Variants in COL14A1 observed in about 807,000 individuals in gnomAD.
The protein encoded by COL14A1 is collagen type XIV alpha 1 chain.
In COL14A1, 136 loss-of-function variants were observed where a neutral mutation model predicts 230.3. That is an observed-to-expected ratio of 0.59 (90% CI 0.51 to 0.68). COL14A1 has a LOEUF of 0.68. Ranked by LOEUF, COL14A1 falls within the 30% of genes least tolerant of loss-of-function variation. The pLI, the probability that COL14A1 is intolerant of heterozygous loss-of-function variation, is 0.00. For missense variants in COL14A1, 1,976 were observed against 2,215.8 expected (o/e 0.89, Z 2.17); for synonymous variants, 792 against 784.1 (o/e 1.01, Z -0.17).
intron 10 of COL14A1, among the ~76,000 whole-genome samples, chr8:120,208,025 A>G (rs1274380814): frequency 6.6e-6 from 1 of 152,226 alleles, no homozygotes; most frequent in Non-Finnish European, 1.5e-5. Flanking sequence ...ATGAATTAAT[A>G]AGGGACTTCT....
intron 9 of COL14A1, among the ~76,000 whole-genome samples, chr8:120,206,722 C>T (rs927356692): frequency 6.6e-6 from 1 of 152,162 alleles, no homozygotes; most frequent in African/African-American, 2.4e-5. Context: ...AGAACTATGT[C>T]TTATTTAAGT....
intron 19 of COL14A1, among the ~76,000 whole-genome samples, chr8:120,232,499 T>C (rs1454271546): frequency 1.3e-5 from 2 of 152,220 alleles, no homozygotes; most frequent in Admixed American, 6.5e-5. Context: ...CTCCCACTTA[T>C]GAGTGAGAAC....
intron 4 of COL14A1, among the ~76,000 whole-genome samples, chr8:120,163,711 C>T (rs140010778): frequency 0.021 from 3,241 of 152,092 alleles, 113 homozygotes; most frequent in African/African-American, 0.072. Flanking sequence ...TGCAGTGAGC[C>T]GAGATTGCGC....
chr8:120,247,850 A>T, intron 21 of COL14A1, 115 bp downstream of exon 21: 1 of 1,258,062 alleles, frequency 7.9e-7, no homozygotes, highest in Non-Finnish European at 1.1e-6. Flanking sequence ...TTAAAGAAGT[A>T]GGGAGAACCT....
rs1256084846 is a variant in COL14A1, at chr8:120,228,752, C to G, written c.2180C>G (p.Thr727Ser). 1 of 1,613,842 alleles carries G rather than the reference C, an allele frequency of 6.2e-7. No homozygotes were observed. Among genetic ancestry groups the G allele is most frequent in the Non-Finnish European group, 8.5e-7 (1 of 1,179,804 alleles). Residue 727 changes from threonine (T) to serine (S), a missense_variant, in exon 18 of 48, where the codon ACC becomes AGC. Physicochemically the swap from Thr to Ser is moderately conservative, Grantham distance 58. This residue lies in a region of COL14A1 where 1,791 missense variants were observed against 2,019.5 expected (regional missense o/e 0.89). Coordinates refer to ENST00000297848, the MANE Select transcript of COL14A1 (RefSeq NM_021110.4). The stretch of plus-strand genomic sequence containing the variant: ...GAACCAGCTACAACCATAGTGCCTA[C>G]CACATCTGTGACTTCAGGTAAGGTC... ...WTEPATTIVP[T>S]TSVTSVFQTG...
intron 5 of COL14A1, among the ~76,000 whole-genome samples, chr8:120,177,944 G>A (rs1170486200): frequency 2.0e-5 from 3 of 151,694 alleles, no homozygotes; most frequent in Admixed American, 2.0e-4. Flanking sequence ...AGATAAATGG[G>A]GAACACATAG....
chr8:120,136,880 G>A (rs1445172454), intron 1 of COL14A1, among the ~76,000 whole-genome samples: 1 of 132,730 alleles, frequency 7.5e-6, no homozygotes, highest in Non-Finnish European at 1.5e-5. Context: ...CAGGAGAATT[G>A]CTTGAACCCG....
intron 15 of COL14A1, 123 bp from the exon 16 acceptor site, chr8:120,226,503 CT>C (rs1192993887): frequency 5.3e-6 from 5 of 951,244 alleles, no homozygotes; most frequent in Non-Finnish European, 7.5e-6. Context: ...AGTTTTCCTT[CT>C]TTCCTGTGCT....
intron 22 of COL14A1, among the ~76,000 whole-genome samples, chr8:120,251,537 G>T (rs184127065): frequency 6.6e-6 from 1 of 152,130 alleles, no homozygotes. Context: ...CTCCTTAGTG[G>T]CATACACCAC....
At chr8:120,192,103 T>G (rs911498987) in intron 5 of COL14A1, among the ~76,000 whole-genome samples, 5 of 152,274 alleles carry the variant, frequency 3.3e-5, no homozygotes, top group South Asian at 2.1e-4. Flanking sequence ...GTTAGCTGGT[T>G]ATTTTGCTCA....
Position 120,300,770 on chromosome 8 carries a change from C to T in COL14A1, c.4353C>T (p.Cys1451=), listed in dbSNP as rs1820686951. ...DESCPDLPHS[C]SCSETNEVAL... ...CTTGCCCAGACCTTCCCCATTCCTG[C>T]TCCTGTTCTGAAACCAATGAAGTGG... The change falls in exon 36 of 48, where the codon TGC becomes TGT. Residue 1451 remains cysteine (C), a synonymous_variant. Transcript: ENST00000297848. The T allele has an allele frequency of 1.2e-6, 2 of 1,613,660 alleles. No individual in the cohort carries two copies. Among genetic ancestry groups the T allele is most frequent in the Non-Finnish European group, 1.7e-6 (2 of 1,179,674 alleles).
chr8:120,242,741 A>G (rs1818643503), intron 19 of COL14A1, among the ~76,000 whole-genome samples: 1 of 152,340 alleles, frequency 6.6e-6, no homozygotes, highest in Admixed American at 6.5e-5. Flanking sequence ...GCAAAATCAT[A>G]TTAATCTCAT....
chr8:120,304,201 G>T (rs1173798483), intron 36 of COL14A1, among the ~76,000 whole-genome samples: 2 of 151,960 alleles, frequency 1.3e-5, no homozygotes, highest in African/African-American at 2.4e-5. Flanking sequence ...CTAACTACTG[G>T]ATTCGTTGTC....
chr8:120,126,961 T>A (rs1490703429), intron 1 of COL14A1, among the ~76,000 whole-genome samples: 1 of 152,232 alleles, frequency 6.6e-6, no homozygotes, highest in Non-Finnish European at 1.5e-5. Context: ...CATATACCTC[T>A]CAATTAACCA....
chr8:120,286,691 A>G (rs1462719054), intron 33 of COL14A1, among the ~76,000 whole-genome samples: 1 of 151,980 alleles, frequency 6.6e-6, no homozygotes, highest in Non-Finnish European at 1.5e-5. Context: ...TTGTATTTTT[A>G]GTGGAGCCAG....
intron 2 of COL14A1, among the ~76,000 whole-genome samples, chr8:120,148,522 T>G (rs1815172414): frequency 6.6e-6 from 1 of 152,218 alleles, no homozygotes; most frequent in African/African-American, 2.4e-5. Context: ...AATAATGCTC[T>G]AATAATTAAA....
chr8:120,178,690 C>T (rs549937203), intron 5 of COL14A1, among the ~76,000 whole-genome samples: 2 of 152,306 alleles, frequency 1.3e-5, no homozygotes, highest in African/African-American at 4.8e-5. Context: ...TACACTCCCA[C>T]CCACAGTGTA....
chr8:120,152,517 G>A (rs549384585), intron 2 of COL14A1, among the ~76,000 whole-genome samples: 1 of 145,136 alleles, frequency 6.9e-6, no homozygotes, highest in Admixed American at 7.0e-5. Flanking sequence ...ATTAATTCTT[G>A]CTCCTTAATT....
chr8:120,330,952 G>A lies in COL14A1; in HGVS notation c.4660-1189G>A, dbSNP rs549169745. Among the ~76,000 whole-genome samples, 12 of 151,940 alleles carry A rather than the reference G, an allele frequency of 7.9e-5. No individual in the cohort carries two copies. The East Asian group carries it at 2.1e-3, about 27-fold the overall frequency. ...GAAACCCCATCTCTACTAAAAATAC[G>A]AAATTAGCCAGTCGTGGTGGTGCAT... On this transcript the variant is annotated intron_variant, in intron 40 of 47. Transcript: ENST00000297848.
Sources: gnomAD v4.1 joint callset for allele counts (sites outside exome capture counted in the v4.1 genomes callset) on GRCh38, gnomAD v4.1.1 for gene constraint, gnomAD v4.1.1 regional missense constraint, MANE v1.5 for transcripts, NCBI Gene and HGNC (gene_info 2026-07-23, HGNC 2026-07-21) for gene names.